The following CTNND2 variants were observed in gnomAD, a reference collection of about 807,000 sequenced individuals.
CTNND2 encodes the protein catenin delta-2.
CTNND2 carries 22 observed loss-of-function variants against 144.4 expected under a neutral mutation model. That is an observed-to-expected ratio of 0.15 (90% CI 0.11 to 0.22). The LOEUF (loss-of-function observed/expected upper bound fraction) is 0.22. Among genes scored for constraint, CTNND2 ranks in the 10% least tolerant of loss-of-function variants. The pLI, the probability that CTNND2 is intolerant of heterozygous loss-of-function variation, is 1.00. For synonymous variants in CTNND2, 751 were observed against 695.6 expected (o/e 1.08, Z -1.25); for missense variants, 1,353 against 1,618.8 (o/e 0.84, Z 2.82).
intron 16 of CTNND2, among the ~76,000 whole-genome samples, chr5:11,024,013 C>A (rs1483707894): frequency 1.3e-5 from 2 of 152,350 alleles, no homozygotes; most frequent in East Asian, 1.9e-4. Flanking sequence ...TCCCATCCCC[C>A]AATTAGGCAC....
intron 9 of CTNND2, among the ~76,000 whole-genome samples, chr5:11,297,074 G>A (rs1356385152): frequency 6.6e-6 from 1 of 152,100 alleles, no homozygotes; most frequent in Non-Finnish European, 1.5e-5. Flanking sequence ...ATTGTATAAT[G>A]AACTGTGTCA....
chr5:11,053,771 T>A (rs1347111391), intron 16 of CTNND2, among the ~76,000 whole-genome samples: 1 of 152,208 alleles, frequency 6.6e-6, no homozygotes, highest in Admixed American at 6.5e-5. Context: ...ACTCTGCACA[T>A]GTGTAGGAGA....
intron 11 of CTNND2, among the ~76,000 whole-genome samples, chr5:11,189,789 T>A (rs1347775511): frequency 6.6e-6 from 1 of 152,136 alleles, no homozygotes; most frequent in Non-Finnish European, 1.5e-5. Context: ...TCAGCAGCAA[T>A]TTGTTTAATG....
intron 9 of CTNND2, among the ~76,000 whole-genome samples, chr5:11,251,172 T>G (rs553381320): frequency 6.6e-6 from 1 of 152,212 alleles, no homozygotes; most frequent in Non-Finnish European, 1.5e-5. Context: ...GCTGCTTGAC[T>G]TTATAGAACT....
intron 3 of CTNND2, among the ~76,000 whole-genome samples, chr5:11,492,709 TA>T (rs1460737359): frequency 2.0e-5 from 3 of 151,814 alleles, no homozygotes; most frequent in Non-Finnish European, 2.9e-5. Context: ...CTATCATTAA[TA>T]AAAATATATA....
intron 1 of CTNND2, among the ~76,000 whole-genome samples, chr5:11,765,534 A>C (rs1374919702): frequency 6.6e-6 from 1 of 152,260 alleles, no homozygotes; most frequent in Admixed American, 6.5e-5. Flanking sequence ...AGATTATCTA[A>C]AAACTGACAA....
At chr5:11,601,076 T>C (rs1779767528) in intron 2 of CTNND2, among the ~76,000 whole-genome samples, 1 of 152,196 alleles carries the variant, frequency 6.6e-6, no homozygotes, top group Non-Finnish European at 1.5e-5. Flanking sequence ...TATATAGATG[T>C]AGAAATATCT....
chr5:11,717,007 G>A (rs1786390329), intron 2 of CTNND2, among the ~76,000 whole-genome samples: 2 of 151,816 alleles, frequency 1.3e-5, no homozygotes, highest in South Asian at 4.2e-4. Context: ...AGCTGAGACT[G>A]CAGGTGTGCA....
Position 11,427,259 on chromosome 5 carries a change from C to T in CTNND2, c.288-15190G>A, listed in dbSNP as rs137944915. 3.2e-3 allele frequency among the ~76,000 whole-genome samples: 481 copies of T among 149,672 alleles called. 1 individual carries two copies. The highest frequency in any genetic ancestry group is 0.011 in the African/African-American group (455 of 40,612). ...TTAGTATTTTTTTAGTACCTTTAAA[C>T]GCATTTTCCCATATGCTTTTTTTTT... On this transcript the variant is annotated intron_variant, in intron 3 of 21. Transcript: ENST00000304623.
intron 14 of CTNND2, among the ~76,000 whole-genome samples, chr5:11,102,390 G>A (rs1279486597): frequency 6.6e-6 from 1 of 152,152 alleles, no homozygotes; most frequent in African/African-American, 2.4e-5. Context: ...ATAAAGCTAA[G>A]GATTAAGGTG....
intron 11 of CTNND2, among the ~76,000 whole-genome samples, chr5:11,171,309 G>A (rs1759881142): frequency 6.6e-6 from 1 of 152,074 alleles, no homozygotes; most frequent in South Asian, 2.1e-4. Flanking sequence ...GAGAGCTGGG[G>A]TATAAACACA....
chr5:11,821,632 T>A (rs1253048301), intron 1 of CTNND2, among the ~76,000 whole-genome samples: 2 of 152,154 alleles, frequency 1.3e-5, no homozygotes, highest in African/African-American at 4.8e-5. Context: ...AACTGCCCAG[T>A]CTTCTTTATA....
chr5:11,788,331 T>G (rs913238299), intron 1 of CTNND2, among the ~76,000 whole-genome samples: 7 of 152,152 alleles, frequency 4.6e-5, no homozygotes, highest in African/African-American at 2.4e-5. Flanking sequence ...TCCTCAAATC[T>G]GTAAGAGGGC....
intron 9 of CTNND2, among the ~76,000 whole-genome samples, chr5:11,310,063 G>GT (rs201543414): frequency 0.014 from 2,091 of 151,686 alleles, 35 homozygotes; most frequent in African/African-American, 0.048. Flanking sequence ...ATCTCAGGTA[G>GT]TTTTTTTTTG....
intron 2 of CTNND2, among the ~76,000 whole-genome samples, chr5:11,605,860 G>A (rs1780017088): frequency 2.0e-5 from 3 of 152,280 alleles, no homozygotes; most frequent in South Asian, 4.1e-4. Context: ...CCCTGGTCCT[G>A]TAATTACTCA....
At chr5:11,083,901 C>T (rs1749865147) in intron 15 of CTNND2, 3 of 1,146,506 alleles carry the variant, frequency 2.6e-6, no homozygotes, top group Non-Finnish European at 2.2e-6. Context: ...CAGGGAGCCC[C>T]CTCTGGCAGT....
chr5:11,858,104 A>G (rs542883908), intron 1 of CTNND2, among the ~76,000 whole-genome samples: 5 of 152,272 alleles, frequency 3.3e-5, no homozygotes, highest in African/African-American at 1.2e-4. Context: ...ACCATTTTTT[A>G]AAGTAACTTT....
chr5:11,005,680 G>A (rs371841840), intron 18 of CTNND2, among the ~76,000 whole-genome samples: 2 of 152,210 alleles, frequency 1.3e-5, no homozygotes, highest in African/African-American at 2.4e-5. Context: ...GGGCAACCAC[G>A]GAAGAAGAAT....
intron 16 of CTNND2, among the ~76,000 whole-genome samples, chr5:11,053,854 A>G (rs1006776235): frequency 2.0e-5 from 3 of 152,218 alleles, no homozygotes; most frequent in African/African-American, 7.2e-5. Context: ...ACACTGCTTC[A>G]TTGTTCCATT....
Sources: allele counts gnomAD v4.1 joint callset (sites outside exome capture counted in the v4.1 genomes callset), GRCh38; gene constraint gnomAD v4.1.1; transcripts MANE v1.5; gene names NCBI Gene and HGNC (gene_info 2026-07-23, HGNC 2026-07-21).